The following POTEJ variants were observed in gnomAD, a reference collection of about 807,000 sequenced individuals.
POTEJ encodes the protein POTE ankyrin domain family member J, also known as POTE ankyrin domain family, member J.
Under a neutral mutation model 69.0 loss-of-function variants are expected in POTEJ, and 11 were observed. That is an observed-to-expected ratio of 0.16 (90% CI 0.10 to 0.26). The LOEUF is 0.26. POTEJ is among the 10% of genes least tolerant of loss of function. The probability of loss-of-function intolerance (pLI) is 1.00; values close to 1 mark genes in which losing one functional copy is unlikely to be tolerated. For missense variants in POTEJ, 327 were observed against 1,045.5 expected (o/e 0.31, Z 9.48); for synonymous variants, 117 against 381.1 (o/e 0.31, Z 8.07).
intron 9 of POTEJ, among the ~76,000 whole-genome samples, chr2:130,633,291 AAC>A (rs1685972328): frequency 7.3e-6 from 1 of 137,024 alleles, no homozygotes; most frequent in Non-Finnish European, 1.6e-5. Flanking sequence ...CATATTCACA[AAC>A]ACATGTATAA....
intron 6 of POTEJ, among the ~76,000 whole-genome samples, chr2:130,626,521 G>A (rs1308832638): frequency 6.6e-6 from 1 of 151,682 alleles, no homozygotes; most frequent in East Asian, 1.9e-4. Context: ...GTTGTCTGCT[G>A]TTGTAGTGTG....
chr2:130,612,698 G>A (rs1685256615), intron 1 of POTEJ, among the ~76,000 whole-genome samples: 1 of 130,870 alleles, frequency 7.6e-6, no homozygotes, highest in Non-Finnish European at 1.6e-5. Context: ...GGGAGGCGGA[G>A]CTTGCAGTGA....
intron 9 of POTEJ, among the ~76,000 whole-genome samples, chr2:130,634,916 T>C (rs1269554448): frequency 1.3e-5 from 2 of 152,224 alleles, no homozygotes; most frequent in Non-Finnish European, 2.9e-5. Flanking sequence ...TATCACAATT[T>C]TTTTCTGTAA....
chr2:130,623,028 A>C (rs1465443051), intron 5 of POTEJ: 1 of 144,256 alleles, frequency 6.9e-6, no homozygotes, highest in Non-Finnish European at 1.5e-5. Context: ...GTGCCACCCA[A>C]ATATTGAAAT....
chr2:130,650,158 C>T (rs1686756484), intron 13 of POTEJ, among the ~76,000 whole-genome samples: 1 of 152,392 alleles, frequency 6.6e-6, no homozygotes, highest in African/African-American at 2.4e-5. Flanking sequence ...TTTATCATCT[C>T]TAACTTCAAA....
At chr2:130,641,189 A>G (rs1189775863) in intron 10 of POTEJ, among the ~76,000 whole-genome samples, 242 of 151,758 alleles carry the variant, frequency 1.6e-3, no homozygotes, top group African/African-American at 5.6e-3. Flanking sequence ...TGTGGCCTAT[A>G]GTTTCCTGGG....
chr2:130,633,044 G>A lies in POTEJ; in HGVS notation c.1298+388G>A, dbSNP rs1202134822. Among the ~76,000 whole-genome samples the A allele has an allele frequency of 6.9e-5, 10 of 145,472 alleles. 2 individuals carry two copies. Among genetic ancestry groups the A allele is most frequent in the Non-Finnish European group, 1.2e-4 (8 of 66,114 alleles). ...TTTTTGGTCATCTCCCTCCCGCGAC[G>A]CTCCACCTTCAAGTAGACCCTGGTG... On this transcript the variant is annotated intron_variant, in intron 9 of 14. Transcript: ENST00000409602.
chr2:130,620,929 TAGG>T (rs1479341472), intron 4 of POTEJ, among the ~76,000 whole-genome samples: 2 of 91,472 alleles, frequency 2.2e-5, no homozygotes, highest in African/African-American at 1.1e-4. Context: ...GTATGAAAAG[TAGG>T]AGAATATATC....
At chr2:130,637,593 G>T (rs1311568374) in intron 9 of POTEJ, among the ~76,000 whole-genome samples, 3 of 152,222 alleles carry the variant, frequency 2.0e-5, no homozygotes, top group Non-Finnish European at 2.9e-5. Context: ...ATTGTGATTT[G>T]CGCAATAAAA....
Position 130,621,559 on chromosome 2 carries a change from T to A in POTEJ, c.900T>A (p.Ser300=), listed in dbSNP as rs1299537728. 6.2e-7 allele frequency: 1 copy of A among 1,611,368 alleles called. No individual in the cohort carries two copies. The highest frequency in any genetic ancestry group is 1.3e-5 in the African/African-American group (1 of 74,764). ...TTGATGTATCTTCTCAAGATCTATC[T>A]GGACAGACGGCCAGAGAGTATGCTG... ...QNIDVSSQDL[S]GQTAREYAVS... Residue 300 remains serine, a synonymous_variant, in exon 5 of 15, where the codon TCT becomes TCA. Transcript: ENST00000409602.
At chr2:130,632,198 AT>A (rs1259516250) in intron 8 of POTEJ, among the ~76,000 whole-genome samples, 1 of 151,054 alleles carries the variant, frequency 6.6e-6, no homozygotes, top group Non-Finnish European at 1.5e-5. Context: ...CTGAAGAGTG[AT>A]TGAGAATAAA....
intron 9 of POTEJ, among the ~76,000 whole-genome samples, chr2:130,637,370 G>A (rs1263982889): frequency 5.3e-5 from 8 of 150,362 alleles, no homozygotes; most frequent in African/African-American, 1.5e-4. Flanking sequence ...AGGCTGGAGT[G>A]CAGTGGCGCG....
intron 3 of POTEJ, among the ~76,000 whole-genome samples, chr2:130,619,215 C>T (rs1221579571): frequency 2.7e-5 from 4 of 150,104 alleles, no homozygotes; most frequent in Non-Finnish European, 6.0e-5. Context: ...GAGTATGGCC[C>T]TCTCAGGATT....
chr2:130,646,532 G>A (rs1295655271), intron 13 of POTEJ, among the ~76,000 whole-genome samples: 4 of 140,188 alleles, frequency 2.9e-5, no homozygotes, highest in Admixed American at 7.0e-5. Context: ...GAGGGAAAAG[G>A]CATTTTCTTC....
rs534568991 is a variant in POTEJ at position 130,631,957 on chromosome 2, T to G, written c.1131+504T>G. Reference sequence around the variant, plus strand: ...TGAGCACCATCATGTTTTTGATATCTCAGCAACCAAATGAAAAAAGAATGC... The same window carrying G: ...TGAGCACCATCATGTTTTTGATATCGCAGCAACCAAATGAAAAAAGAATGC... On this transcript the variant is annotated intron_variant, in intron 8 of 14. Transcript: ENST00000409602. Among the ~76,000 whole-genome samples, 6 of 142,984 alleles carry G rather than the reference T, an allele frequency of 4.2e-5. 1 individual carries two copies. Among genetic ancestry groups the G allele is most frequent in the Non-Finnish European group, 9.1e-5 (6 of 65,876 alleles). 93.8% of individuals were successfully genotyped at this position (142,984 alleles called of 152,430 possible).
At chr2:130,628,905 C>T (rs1685803197) in intron 6 of POTEJ, among the ~76,000 whole-genome samples, 1 of 144,210 alleles carries the variant, frequency 6.9e-6, no homozygotes, top group Non-Finnish European at 1.5e-5. Context: ...GTAATCCCAG[C>T]TTCTCCGGAG....
At chr2:130,641,826 C>G (rs1281486212) in intron 10 of POTEJ, among the ~76,000 whole-genome samples, 1 of 152,220 alleles carries the variant, frequency 6.6e-6, no homozygotes, top group Non-Finnish European at 1.5e-5. Context: ...TAAGACTTGT[C>G]AAAGATCCAA....
intron 6 of POTEJ, among the ~76,000 whole-genome samples, chr2:130,624,832 T>C (rs2105210283): frequency 6.6e-6 from 1 of 152,224 alleles, no homozygotes; most frequent in Admixed American, 6.5e-5. Context: ...TCATTTGAAG[T>C]TGGAAAGAGA....
chr2:130,611,330 G>C (rs1395349737), upstream of POTEJ, among the ~76,000 whole-genome samples: 1 of 135,796 alleles, frequency 7.4e-6, no homozygotes, highest in Non-Finnish European at 1.6e-5. Flanking sequence ...TTCCTCGGGT[G>C]GGCGTGGGCT....
Sources: allele counts gnomAD v4.1 joint callset (sites outside exome capture counted in the v4.1 genomes callset), GRCh38; gene constraint gnomAD v4.1.1; transcripts MANE v1.5; gene names NCBI Gene and HGNC (gene_info 2026-07-23, HGNC 2026-07-21).